Variants in CDH2 observed in about 807,000 individuals in gnomAD.
CDH2 encodes cadherin 2.
A neutral mutation model predicts 92.0 loss-of-function variants in CDH2; 17 were observed. That is an observed-to-expected ratio of 0.18 (90% CI 0.13 to 0.28). The LOEUF is 0.28. CDH2 is among the 10% of genes least tolerant of loss of function. The pLI, the probability that CDH2 is intolerant of heterozygous loss-of-function variation, is 1.00. For synonymous variants in CDH2, 419 were observed against 415.9 expected (o/e 1.01, Z -0.09); for missense variants, 862 against 1,133.1 (o/e 0.76, Z 3.44).
intron 1 of CDH2, among the ~76,000 whole-genome samples, chr18:28,166,392 G>T (rs2016386113): frequency 6.6e-6 from 1 of 151,492 alleles, no homozygotes; most frequent in Admixed American, 6.6e-5. Context: ...CATCAAGAAG[G>T]CCTCAAATAA....
intron 2 of CDH2, among the ~76,000 whole-genome samples, chr18:28,078,028 C>T (rs554549009): frequency 2.8e-4 from 43 of 151,632 alleles, no homozygotes; most frequent in African/African-American, 9.9e-4. Flanking sequence ...GCTTTATCAA[C>T]ATCAAAGTTG....
Position 27,985,767 on chromosome 18 carries a change from A to T in CDH2, c.1742-6T>A. 1 of 1,526,160 alleles carries T rather than the reference A, an allele frequency of 6.6e-7. No homozygotes were observed. Among genetic ancestry groups the T allele is most frequent in the South Asian group, 1.1e-5 (1 of 87,228 alleles). The allele number at this position is 1,526,160 out of a possible 1,614,324, so 94.5% of individuals were successfully genotyped here. ...TCCACTCATAGGAGGAATTCCTGAAAAGAGAGAAAAATCACAAATGATGCT... is the reference window on the plus strand; with the variant it reads ...TCCACTCATAGGAGGAATTCCTGAATAGAGAGAAAAATCACAAATGATGCT... On this transcript the variant is annotated splice_region_variant and splice_polypyrimidine_tract_variant and intron_variant, in intron 11 of 15. Coordinates refer to ENST00000269141, the MANE Select transcript of CDH2 (RefSeq NM_001792.5).
At chr18:28,107,375 T>A (rs1195453770) in intron 2 of CDH2, among the ~76,000 whole-genome samples, 1 of 151,934 alleles carries the variant, frequency 6.6e-6, no homozygotes, top group Non-Finnish European at 1.5e-5. Flanking sequence ...GAATATGGAG[T>A]GTATGACGGT....
intron 1 of CDH2, among the ~76,000 whole-genome samples, chr18:28,164,361 C>T (rs1452094507): frequency 6.6e-6 from 1 of 152,110 alleles, no homozygotes; most frequent in Non-Finnish European, 1.5e-5. Flanking sequence ...TGAGTTAATA[C>T]ATGTAAAGTG....
At chr18:28,131,217 T>A (rs2144293749) in intron 2 of CDH2, among the ~76,000 whole-genome samples, 1 of 152,336 alleles carries the variant, frequency 6.6e-6, no homozygotes, top group Admixed American at 6.5e-5. Context: ...AAATTTAGAA[T>A]TATATCATCT....
At chr18:28,027,204 C>T (rs562062259) in intron 2 of CDH2, among the ~76,000 whole-genome samples, 3 of 151,926 alleles carry the variant, frequency 2.0e-5, no homozygotes, top group Non-Finnish European at 4.4e-5. Flanking sequence ...CCTAGCCCAT[C>T]GTGTCTAATA....
chr18:28,009,671 T>C (rs1332378338), intron 5 of CDH2, 46 bp downstream of exon 5: 1 of 1,583,462 alleles, frequency 6.3e-7, no homozygotes, highest in East Asian at 2.2e-5. Flanking sequence ...TCTGCAGACA[T>C]TTAGAACTGT....
downstream of CDH2, among the ~76,000 whole-genome samples, chr18:27,950,208 CT>C (rs1909380127): frequency 6.6e-6 from 1 of 151,900 alleles, no homozygotes; most frequent in Non-Finnish European, 1.5e-5. Context: ...ATAAAATAAC[CT>C]TTATGTTAAG....
At chr18:28,033,115 G>A (rs1160477212) in intron 2 of CDH2, among the ~76,000 whole-genome samples, 1 of 152,046 alleles carries the variant, frequency 6.6e-6, no homozygotes, top group Non-Finnish European at 1.5e-5. Context: ...GTAGGGTATA[G>A]ACAAAAGATG....
At chr18:27,975,501 G>A (rs368829113) in intron 14 of CDH2, among the ~76,000 whole-genome samples, 14 of 152,346 alleles carry the variant, frequency 9.2e-5, no homozygotes, top group East Asian at 5.8e-4. Flanking sequence ...GAGTGAGCAC[G>A]GGAACCAGCC....
At chr18:28,079,709 G>A (rs1432678300) in intron 2 of CDH2, among the ~76,000 whole-genome samples, 1 of 152,226 alleles carries the variant, frequency 6.6e-6, no homozygotes, top group Non-Finnish European at 1.5e-5. Flanking sequence ...GCCCTGTTAA[G>A]CAGGACACTG....
intron 2 of CDH2, among the ~76,000 whole-genome samples, chr18:28,026,402 A>C (rs1213619018): frequency 1.3e-5 from 2 of 152,160 alleles, no homozygotes; most frequent in Admixed American, 1.3e-4. Flanking sequence ...CAGGCTGAGA[A>C]ATCTTGGTTA....
At chr18:28,124,316 G>A (rs893200367) in intron 2 of CDH2, among the ~76,000 whole-genome samples, 4 of 152,114 alleles carry the variant, frequency 2.6e-5, no homozygotes, top group African/African-American at 9.7e-5. Context: ...AAATAAGCCT[G>A]AATGTGCTGC....
At chr18:28,072,094 A>G (rs1283946913) in intron 2 of CDH2, among the ~76,000 whole-genome samples, 1 of 147,878 alleles carries the variant, frequency 6.8e-6, no homozygotes, top group Non-Finnish European at 1.5e-5. Flanking sequence ...CTGCCTTGAA[A>G]CTCCCTCTCC....
chr18:28,007,150 A>T (rs2012948968), intron 5 of CDH2, among the ~76,000 whole-genome samples: 1 of 123,806 alleles, frequency 8.1e-6, no homozygotes, highest in Non-Finnish European at 1.6e-5. Flanking sequence ...ACAGAGTGAG[A>T]CTCCATAAAA....
intron 2 of CDH2, among the ~76,000 whole-genome samples, chr18:28,127,935 A>G (rs2015704643): frequency 6.6e-6 from 1 of 152,244 alleles, no homozygotes; most frequent in Non-Finnish European, 1.5e-5. Context: ...CTAACCTATC[A>G]AATATTAACC....
chr18:28,164,469 A>G (rs2016350276), intron 1 of CDH2, among the ~76,000 whole-genome samples: 1 of 152,248 alleles, frequency 6.6e-6, no homozygotes, highest in Non-Finnish European at 1.5e-5. Context: ...TCCTGCATCT[A>G]ATCGTCAATA....
intron 2 of CDH2, among the ~76,000 whole-genome samples, chr18:28,130,543 C>T (rs1250077541): frequency 6.6e-6 from 1 of 152,196 alleles, no homozygotes; most frequent in Admixed American, 6.5e-5. Context: ...AAATCAGAGA[C>T]ACCTGTGAAA....
chr18:28,064,629 G>T (rs2014471331), intron 2 of CDH2, among the ~76,000 whole-genome samples: 1 of 151,720 alleles, frequency 6.6e-6, no homozygotes, highest in Non-Finnish European at 1.5e-5. Flanking sequence ...CCAGTTCTGA[G>T]GTGGTTTAAA....
Sources: gnomAD v4.1 joint callset for allele counts (sites outside exome capture counted in the v4.1 genomes callset) on GRCh38, gnomAD v4.1.1 for gene constraint, MANE v1.5 for transcripts, NCBI Gene and HGNC (gene_info 2026-07-23, HGNC 2026-07-21) for gene names.